GARRE1: variants seen among roughly 807,000 people sequenced by gnomAD.
GARRE1 encodes the protein granule associated Rac and RHOG effector protein 1.
GARRE1 carries 49 observed loss-of-function variants against 103.2 expected under a neutral mutation model. That is an observed-to-expected ratio of 0.47 (90% CI 0.38 to 0.60). The LOEUF is 0.60. Among genes scored for constraint, GARRE1 ranks in the 20% least tolerant of loss-of-function variants. GARRE1 has a pLI of 0.00. For missense variants in GARRE1, 1,199 were observed against 1,370.5 expected (o/e 0.87, Z 1.98); for synonymous variants, 505 against 532.8 (o/e 0.95, Z 0.72).
At chr19:34,351,474 A>T in intron 12 of GARRE1, 40 bp from the exon 13 acceptor site, 1 of 1,496,284 alleles carries the variant, frequency 6.7e-7, no homozygotes, top group East Asian at 2.3e-5. Context: ...GCTGGGCAGG[A>T]AGCCAAGCAA....
intron 1 of GARRE1, among the ~76,000 whole-genome samples, chr19:34,275,914 C>G (rs1024041792): frequency 6.6e-6 from 1 of 152,148 alleles, no homozygotes; most frequent in Non-Finnish European, 1.5e-5. Flanking sequence ...TATAGTAATC[C>G]TAGTGGTTGC....
intron 2 of GARRE1, among the ~76,000 whole-genome samples, chr19:34,303,913 G>A (rs1452812868): frequency 6.6e-6 from 1 of 151,978 alleles, no homozygotes. Flanking sequence ...CACCGCTCCC[G>A]GCCTTGTTTT....
chr19:34,265,870 GTTAGTAAGTGCCATTTAT>G (rs2044735550), intron 1 of GARRE1, among the ~76,000 whole-genome samples: 1 of 152,166 alleles, frequency 6.6e-6, no homozygotes. Context: ...CTTGCTCAAA[GTTAGTAAGTGCCATTTAT>G]TCAGCTGATA....
intron 1 of GARRE1, among the ~76,000 whole-genome samples, chr19:34,268,309 T>C (rs1326721361): frequency 6.6e-6 from 1 of 152,156 alleles, no homozygotes; most frequent in Non-Finnish European, 1.5e-5. Flanking sequence ...CATCCTTTGG[T>C]GATAGGTGGT....
At chr19:34,319,118 A>T (rs924162863) in intron 2 of GARRE1, among the ~76,000 whole-genome samples, 1 of 152,226 alleles carries the variant, frequency 6.6e-6, no homozygotes, top group Non-Finnish European at 1.5e-5. Flanking sequence ...GAACAGCCTT[A>T]GCCCATACCA....
At chr19:34,306,627 A>C (rs573884697) in intron 2 of GARRE1, among the ~76,000 whole-genome samples, 1 of 152,324 alleles carries the variant, frequency 6.6e-6, no homozygotes, top group East Asian at 1.9e-4. Flanking sequence ...GGGTTTCACT[A>C]GCTGACTAGT....
intron 1 of GARRE1, among the ~76,000 whole-genome samples, chr19:34,272,001 A>G (rs1438461327): frequency 6.6e-6 from 1 of 152,176 alleles, no homozygotes; most frequent in Non-Finnish European, 1.5e-5. Flanking sequence ...AATGAGAAAC[A>G]TTTAGGATAT....
intron 1 of GARRE1, among the ~76,000 whole-genome samples, chr19:34,271,186 A>G (rs2073784849): frequency 6.6e-6 from 1 of 150,874 alleles, no homozygotes; most frequent in Non-Finnish European, 1.5e-5. Flanking sequence ...TTTGCTACTT[A>G]GAGTATGCTG....
chr19:34,291,245 G>A (rs546225764), intron 1 of GARRE1, among the ~76,000 whole-genome samples: 12 of 152,078 alleles, frequency 7.9e-5, no homozygotes, highest in Admixed American at 2.6e-4. Flanking sequence ...TAGCAAAACT[G>A]TAAGTCAAGC....
At chr19:34,264,602 G>A (rs1187017067) in intron 1 of GARRE1, among the ~76,000 whole-genome samples, 1 of 152,128 alleles carries the variant, frequency 6.6e-6, no homozygotes, top group East Asian at 1.9e-4. Flanking sequence ...GTTTCACTGT[G>A]TTAGCCAGGA....
chr19:34,314,325 A>G (rs1228414762), intron 2 of GARRE1, among the ~76,000 whole-genome samples: 2 of 152,178 alleles, frequency 1.3e-5, no homozygotes, highest in Non-Finnish European at 2.9e-5. Flanking sequence ...TGGAAAGCAA[A>G]CTATAAACAC....
In GARRE1 at chr19:34,349,207, C is replaced by T. The variant is rs534169803; in HGVS notation, c.2825+54C>T. 1,490 of 1,573,272 alleles carry T rather than the reference C, an allele frequency of 9.5e-4. 3 individuals carry two copies. The highest frequency in any genetic ancestry group is 1.2e-3 in the Non-Finnish European group (1,387 of 1,152,182). ...GGAGAGAAGGGCATGTGAATGCAACCCATGGCTCACTCCCTGGGAAAGCCA... is the reference window on the plus strand; with the variant it reads ...GGAGAGAAGGGCATGTGAATGCAACTCATGGCTCACTCCCTGGGAAAGCCA... On this transcript the variant is annotated intron_variant, in intron 12 of 13. Transcript: ENST00000299505.
Position 34,342,175 on chromosome 19 carries a change from G to A in GARRE1, c.2241G>A (p.Pro747=), listed in dbSNP as rs775097548. 14 of 1,614,002 alleles carry A rather than the reference G, an allele frequency of 8.7e-6. No homozygotes were observed. In the Admixed American group the frequency reaches 1.2e-4, roughly 13 times the overall value. ...LLQPIGPQQP[P]PQPRAPGKWV... is the part of the protein sequence containing the mutation. Reference sequence around the variant, plus strand: ...AGCCCATTGGACCGCAGCAGCCCCCGCCCCAGCCTCGGGCACCTGGGAAAT... The same window carrying A: ...AGCCCATTGGACCGCAGCAGCCCCCACCCCAGCCTCGGGCACCTGGGAAAT... Residue 747 remains proline (P), a synonymous_variant, in exon 10 of 14, where the codon CCG becomes CCA. Coordinates refer to ENST00000299505, the MANE Select transcript of GARRE1 (RefSeq NM_014686.5).
At chr19:34,307,923 G>T (rs905074883) in intron 2 of GARRE1, among the ~76,000 whole-genome samples, 1 of 150,406 alleles carries the variant, frequency 6.6e-6, no homozygotes, top group Non-Finnish European at 1.5e-5. Context: ...CTGAGACTGC[G>T]TAGCTGAGAC....
intron 2 of GARRE1, among the ~76,000 whole-genome samples, chr19:34,304,213 C>T (rs945918745): frequency 2.0e-5 from 3 of 151,976 alleles, no homozygotes; most frequent in African/African-American, 7.3e-5. Context: ...GTCTCAGCCT[C>T]CCAAGTAGCT....
In GARRE1 at chr19:34,341,853, T is replaced by C; in HGVS notation, c.1919T>C (p.Leu640Ser). 1 of 1,614,150 alleles carries C rather than the reference T, an allele frequency of 6.2e-7. No homozygotes were observed. Among genetic ancestry groups the C allele is most frequent in the South Asian group, 1.1e-5 (1 of 91,076 alleles). The change falls in exon 10 of 14, where the codon TTA becomes TCA. Residue 640 changes from leucine (L) to serine (S), a missense_variant. Physicochemically the swap from Leu to Ser is moderately radical, Grantham distance 145. Transcript: ENST00000299505. ...GGCAAGGATGAGAAGGGTATGAACTTACCAACTGATCAGGAAATGCAAGAG... is the reference window on the plus strand; with the variant it reads ...GGCAAGGATGAGAAGGGTATGAACTCACCAACTGATCAGGAAATGCAAGAG... ...DDGKDEKGMN[L>S]PTDQEMQEVI...
Position 34,296,541 on chromosome 19 carries a change from C to T in GARRE1, c.-795-3138C>T, listed in dbSNP as rs747458752. 1.1e-5 allele frequency: 17 copies of T among 1,595,056 alleles called. No individual in the cohort carries two copies. The East Asian group carries it at 1.1e-4, about 10-fold the overall frequency. On this transcript the variant is annotated intron_variant, in intron 1 of 13. Coordinates refer to ENST00000299505, the MANE Select transcript of GARRE1 (RefSeq NM_014686.5). ...TACGAGGGCCTTGATAGCCTCGGCA[C>T]GTGCACTCATGGCCTTGGCATTGTT... is the stretch of plus-strand genomic sequence containing the variant.
chr19:34,271,213 G>A (rs1212836616), intron 1 of GARRE1, among the ~76,000 whole-genome samples: 1 of 149,606 alleles, frequency 6.7e-6, no homozygotes, highest in Non-Finnish European at 1.5e-5. Flanking sequence ...ATCAGCTTCA[G>A]CTAGTGTTCA....
At chr19:34,274,437 T>C (rs1318056384) in intron 1 of GARRE1, among the ~76,000 whole-genome samples, 1 of 152,102 alleles carries the variant, frequency 6.6e-6, no homozygotes, top group East Asian at 1.9e-4. Flanking sequence ...CTGTGATTAA[T>C]TGGATGTGAA....
Sources: gnomAD v4.1 joint callset for allele counts (sites outside exome capture counted in the v4.1 genomes callset) on GRCh38, gnomAD v4.1.1 for gene constraint, MANE v1.5 for transcripts, NCBI Gene and HGNC (gene_info 2026-07-23, HGNC 2026-07-21) for gene names.